The following MSI2 variants were observed in gnomAD, a reference collection of about 807,000 sequenced individuals.
The protein encoded by MSI2 is RNA-binding protein Musashi homolog 2.
A neutral mutation model predicts 45.6 loss-of-function variants in MSI2; 17 were observed. The ratio of observed to expected loss-of-function variants is 0.37; its 90% CI spans 0.26 to 0.56. The LOEUF is 0.56. Among genes scored for constraint, MSI2 ranks in the 20% least tolerant of loss-of-function variants. The pLI is 0.77. For synonymous variants in MSI2, 156 were observed against 158.2 expected (o/e 0.99, Z 0.11); for missense variants, 293 against 444.2 (o/e 0.66, Z 3.06).
Position 57,684,476 on chromosome 17 carries a change from A to C in MSI2, c.*4959A>C, listed in dbSNP as rs1210563357. On this transcript the variant is annotated 3_prime_UTR_variant, in exon 14 of 14. Transcript: ENST00000284073. ...TATATATATATCTCAAGCATCTTTCAGGTCTTTGTGTGTGGCTTTCTTAAA... is the reference window on the plus strand; with the variant it reads ...TATATATATATCTCAAGCATCTTTCCGGTCTTTGTGTGTGGCTTTCTTAAA... 1 of 173,532 alleles carries C rather than the reference A, an allele frequency of 5.8e-6. No individual in the cohort carries two copies. The highest frequency in any genetic ancestry group is 6.4e-5 in the Admixed American group (1 of 15,674). The allele number at this position is 173,532 out of a possible 1,614,324, so 10.7% of individuals were successfully genotyped here. A position where few individuals can be genotyped will look rare whatever the true frequency, so the allele number is the denominator to read the frequency against.
intron 5 of MSI2, among the ~76,000 whole-genome samples, chr17:57,373,207 G>A (rs570907216): frequency 2.1e-4 from 30 of 145,218 alleles, no homozygotes; most frequent in African/African-American, 6.4e-4. Flanking sequence ...CTGAGATTGC[G>A]CCACTGCACT....
chr17:57,531,374 T>C (rs2086818367), intron 7 of MSI2, among the ~76,000 whole-genome samples: 2 of 152,324 alleles, frequency 1.3e-5, no homozygotes, highest in East Asian at 1.9e-4. Context: ...TTAGCTCTTA[T>C]TATTAGCGTT....
chr17:57,338,282 G>A (rs1914846609), intron 5 of MSI2, among the ~76,000 whole-genome samples: 1 of 152,112 alleles, frequency 6.6e-6, no homozygotes, highest in African/African-American at 2.4e-5. Context: ...TAGAGATGGG[G>A]TTTCACCATG....
intron 5 of MSI2, among the ~76,000 whole-genome samples, chr17:57,288,559 G>A (rs1910124027): frequency 6.6e-6 from 1 of 152,150 alleles, no homozygotes; most frequent in Non-Finnish European, 1.5e-5. Context: ...AGCGTGCACC[G>A]GAGACTGAGG....
chr17:57,662,495 T>A (rs1458359012), intron 11 of MSI2, among the ~76,000 whole-genome samples: 2 of 152,232 alleles, frequency 1.3e-5, no homozygotes, highest in Non-Finnish European at 2.9e-5. Flanking sequence ...GTCATTCTCA[T>A]TCCCATTTTA....
In MSI2 at chr17:57,624,728, T is replaced by G. The variant is rs1334027774; in HGVS notation, c.653-2501T>G. 3.3e-5 allele frequency among the ~76,000 whole-genome samples: 5 copies of G among 152,048 alleles called. No homozygotes were observed. In the East Asian group the frequency reaches 9.7e-4, roughly 29 times the overall value. On this transcript the variant is annotated intron_variant, in intron 9 of 13. Transcript: ENST00000284073. ...CAGTGAGTGAGCTGTGACTGCAAAT[T>G]TGGGAAGGTTCTGGGGGAAGCAAGG...
chr17:57,330,280 CT>C (rs757876948), intron 5 of MSI2, among the ~76,000 whole-genome samples: 1 of 149,520 alleles, frequency 6.7e-6, no homozygotes, highest in Non-Finnish European at 1.5e-5. Context: ...GTAACTTTTT[CT>C]TTTTTTTCTT....
intron 6 of MSI2, among the ~76,000 whole-genome samples, chr17:57,460,196 T>A (rs553622961): frequency 2.0e-5 from 3 of 151,894 alleles, no homozygotes; most frequent in Admixed American, 2.0e-4. Context: ...TGGTGACACA[T>A]GCCTGTAGTC....
At chr17:57,320,834 G>T (rs1913271690) in intron 5 of MSI2, among the ~76,000 whole-genome samples, 1 of 152,072 alleles carries the variant, frequency 6.6e-6, no homozygotes, top group Non-Finnish European at 1.5e-5. Context: ...AGAAAGAAGA[G>T]ACATGGGTAC....
chr17:57,646,015 G>C (rs1236769489), intron 10 of MSI2, among the ~76,000 whole-genome samples: 1 of 152,182 alleles, frequency 6.6e-6, no homozygotes, highest in Non-Finnish European at 1.5e-5. Flanking sequence ...TGTAGGCAGT[G>C]CTGCCTTTCA....
intron 8 of MSI2, among the ~76,000 whole-genome samples, chr17:57,599,216 C>T (rs1905583025): frequency 6.6e-6 from 1 of 152,190 alleles, no homozygotes; most frequent in Non-Finnish European, 1.5e-5. Flanking sequence ...TATGTGTAGC[C>T]CTTCCCTGTT....
At chr17:57,381,526 T>C (rs564495105) in intron 5 of MSI2, among the ~76,000 whole-genome samples, 2 of 152,304 alleles carry the variant, frequency 1.3e-5, no homozygotes, top group East Asian at 3.9e-4. Context: ...CCCTGGTCCT[T>C]CTTGTTCCTG....
chr17:57,340,110 T>C (rs1915005468), intron 5 of MSI2, among the ~76,000 whole-genome samples: 1 of 152,162 alleles, frequency 6.6e-6, no homozygotes, highest in Admixed American at 6.5e-5. Flanking sequence ...TTGCCCTAGG[T>C]TGGCTTACCT....
rs541898631 is a variant in MSI2, at chr17:57,358,178, C to T, written c.313-43201C>T. On this transcript the variant is annotated intron_variant, in intron 5 of 13. Coordinates refer to ENST00000284073, the MANE Select transcript of MSI2 (RefSeq NM_138962.4). Reference sequence around the variant, plus strand: ...GCAGAGGGAAGAAGAGAAAGATCTTCGTGGGTTTTTCTGTGTGTGTGGGGG... The same window carrying T: ...GCAGAGGGAAGAAGAGAAAGATCTTTGTGGGTTTTTCTGTGTGTGTGGGGG... Among the ~76,000 whole-genome samples the T allele has an allele frequency of 1.3e-4, 18 of 138,700 alleles. No individual in the cohort carries two copies. The South Asian group carries it at 4.7e-3, about 36-fold the overall frequency. 91.0% of individuals were successfully genotyped at this position (138,700 alleles called of 152,430 possible).
At chr17:57,495,875 C>T (rs1404414717) in intron 6 of MSI2, among the ~76,000 whole-genome samples, 4 of 152,204 alleles carry the variant, frequency 2.6e-5, no homozygotes, top group Non-Finnish European at 5.9e-5. Flanking sequence ...TGTGGGAACG[C>T]AGAGCACAAT....
intron 6 of MSI2, among the ~76,000 whole-genome samples, chr17:57,406,564 G>C (rs989210070): frequency 2.6e-5 from 4 of 152,190 alleles, no homozygotes; most frequent in African/African-American, 7.2e-5. Flanking sequence ...TAGAACTCCT[G>C]TGAAAGCAAA....
intron 10 of MSI2, among the ~76,000 whole-genome samples, chr17:57,650,257 C>T (rs931320088): frequency 6.6e-6 from 1 of 152,060 alleles, no homozygotes; most frequent in Admixed American, 6.5e-5. Context: ...CAAGGAAACC[C>T]GCTGTTTTCA....
chr17:57,512,577 G>A (rs2086377513), intron 6 of MSI2, among the ~76,000 whole-genome samples: 1 of 152,204 alleles, frequency 6.6e-6, no homozygotes, highest in Non-Finnish European at 1.5e-5. Context: ...AGGCCGCAGA[G>A]TCTTAGTTAA....
At chr17:57,606,893 G>A (rs1485348651) in intron 8 of MSI2, among the ~76,000 whole-genome samples, 1 of 150,912 alleles carries the variant, frequency 6.6e-6, no homozygotes, top group East Asian at 2.0e-4. Context: ...GAGGTGGGGT[G>A]ATGGGGGGGG....
Sources: allele counts gnomAD v4.1 joint callset (sites outside exome capture counted in the v4.1 genomes callset), GRCh38; gene constraint gnomAD v4.1.1; transcripts MANE v1.5; gene names NCBI Gene and HGNC (gene_info 2026-07-23, HGNC 2026-07-21).